SAMD4A: variants seen among roughly 807,000 people sequenced by gnomAD.
SAMD4A encodes sterile alpha motif domain containing 4A.
In SAMD4A, 33 loss-of-function variants were observed where a neutral mutation model predicts 81.3. The ratio of observed to expected loss-of-function variants is 0.41; its 90% CI spans 0.31 to 0.54. The LOEUF (loss-of-function observed/expected upper bound fraction) is 0.54, where lower values mean the gene tolerates loss of function less well. Ranked by LOEUF, SAMD4A falls within the 20% of genes least tolerant of loss-of-function variation. SAMD4A has a pLI of 0.37. For missense variants in SAMD4A, 854 were observed against 951.1 expected (o/e 0.90, Z 1.34); for synonymous variants, 389 against 382.1 (o/e 1.02, Z -0.21).
At chr14:54,782,841 A>G (rs2039032632) in intron 11 of SAMD4A, among the ~76,000 whole-genome samples, 1 of 152,358 alleles carries the variant, frequency 6.6e-6, no homozygotes, top group East Asian at 1.9e-4. Flanking sequence ...TCAGCTTCCT[A>G]TCCCACCAAG....
chr14:54,629,077 C>T (rs2034833557), intron 2 of SAMD4A, among the ~76,000 whole-genome samples: 2 of 110,154 alleles, frequency 1.8e-5, no homozygotes, highest in African/African-American at 6.9e-5. Context: ...ATGGTGGGCC[C>T]TAATCCAATG....
At chr14:54,600,855 G>A (rs1183197885) in intron 2 of SAMD4A, among the ~76,000 whole-genome samples, 1 of 152,192 alleles carries the variant, frequency 6.6e-6, no homozygotes, top group Non-Finnish European at 1.5e-5. Flanking sequence ...AATTACTCCA[G>A]GTTCTCCAAG....
chr14:54,639,578 C>CG (rs1174284733), intron 2 of SAMD4A, among the ~76,000 whole-genome samples: 2 of 152,192 alleles, frequency 1.3e-5, no homozygotes, highest in East Asian at 3.8e-4. Context: ...CCTGTTACGG[C>CG]GGGCAGTACT....
intron 2 of SAMD4A, among the ~76,000 whole-genome samples, chr14:54,610,829 C>T (rs1458130336): frequency 6.6e-6 from 1 of 152,156 alleles, no homozygotes; most frequent in African/African-American, 2.4e-5. Flanking sequence ...CTATGAAAAG[C>T]ACTCATAGCC....
At chr14:54,770,017 T>A (rs558444753) in intron 8 of SAMD4A, 87 bp from the exon 9 acceptor site, 1 of 834,962 alleles carries the variant, frequency 1.2e-6, no homozygotes, top group Non-Finnish European at 2.0e-6. Flanking sequence ...CTGCAGAGAC[T>A]CCAATGTTTT....
chr14:54,769,909 C>A (rs1314231830), intron 8 of SAMD4A, among the ~76,000 whole-genome samples, 195 bp from the exon 9 acceptor site: 2 of 152,150 alleles, frequency 1.3e-5, no homozygotes, highest in Non-Finnish European at 2.9e-5. Flanking sequence ...TTATCACGCA[C>A]CTCCAATGTC....
intron 2 of SAMD4A, among the ~76,000 whole-genome samples, chr14:54,570,313 G>T (rs576774330): frequency 3.3e-5 from 5 of 152,228 alleles, no homozygotes; most frequent in Admixed American, 2.6e-4. Flanking sequence ...CTGCATATCC[G>T]GAAACTAGCC....
chr14:54,719,481 T>C (rs1205652076), intron 3 of SAMD4A, among the ~76,000 whole-genome samples: 1 of 152,212 alleles, frequency 6.6e-6, no homozygotes, highest in Non-Finnish European at 1.5e-5. Flanking sequence ...GTTTCTAGGA[T>C]TGAAGGGAGA....
In SAMD4A at chr14:54,701,954, C is replaced by T. The variant is rs992872758; in HGVS notation, c.197-108C>T. The T allele has an allele frequency of 1.9e-5, 23 of 1,206,112 alleles. 1 individual carries two copies. Among genetic ancestry groups the T allele is most frequent in the Middle Eastern group, 2.1e-4 (1 of 4,734 alleles). The allele number at this position is 1,206,112 out of a possible 1,614,324, so 74.7% of individuals were successfully genotyped here. On this transcript the variant is annotated intron_variant, in intron 2 of 12. Transcript: ENST00000554335. Reference sequence around the variant, plus strand: ...ACAGGCTCTTTTGAGAAAATATAGCCAGACTATGTAGATTGGGACCCTAAT... The same window carrying T: ...ACAGGCTCTTTTGAGAAAATATAGCTAGACTATGTAGATTGGGACCCTAAT...
Position 54,702,178 on chromosome 14 carries a change from C to T in SAMD4A, c.313C>T (p.Leu105=). ...CGCGAAAGTAGAATATATGAAACTGCTGCCCAAAATCCTGGCTCACTCTAT... is the reference window on the plus strand; with the variant it reads ...CGCGAAAGTAGAATATATGAAACTGTTGCCCAAAATCCTGGCTCACTCTAT... ...LDAKVEYMKL[L]PKILAHSIEH... is the part of the protein sequence containing the mutation. The change falls in exon 3 of 13, where the codon CTG becomes TTG. Residue 105 remains leucine (L), a synonymous_variant. Coordinates refer to ENST00000554335, the MANE Select transcript of SAMD4A (RefSeq NM_015589.6). The T allele has an allele frequency of 2.5e-6, 4 of 1,614,146 alleles. No individual in the cohort carries two copies. The highest frequency in any genetic ancestry group is 3.4e-6 in the Non-Finnish European group (4 of 1,180,022).
At chr14:54,676,630 G>A (rs539281653) in intron 2 of SAMD4A, among the ~76,000 whole-genome samples, 3 of 152,194 alleles carry the variant, frequency 2.0e-5, no homozygotes, top group South Asian at 2.1e-4. Context: ...TGTTCCACCC[G>A]CCTCAGCCTC....
intron 4 of SAMD4A, among the ~76,000 whole-genome samples, chr14:54,741,892 G>A (rs1472533377): frequency 6.6e-6 from 1 of 152,128 alleles, no homozygotes; most frequent in Non-Finnish European, 1.5e-5. Context: ...AAGGGCACAT[G>A]GGAAAAAGAG....
intron 5 of SAMD4A, among the ~76,000 whole-genome samples, chr14:54,750,659 C>T (rs995112197): frequency 2.0e-5 from 3 of 152,208 alleles, no homozygotes; most frequent in Non-Finnish European, 4.4e-5. Context: ...TTTTATGACA[C>T]TCCATGTGGA....
intron 2 of SAMD4A, among the ~76,000 whole-genome samples, chr14:54,646,120 C>T (rs1594768407): frequency 6.6e-6 from 1 of 152,210 alleles, no homozygotes; most frequent in East Asian, 1.9e-4. Context: ...AATTAGGGTT[C>T]GCTTTCTCCA....
intron 3 of SAMD4A, among the ~76,000 whole-genome samples, chr14:54,711,907 G>A (rs1701167196): frequency 6.6e-6 from 1 of 152,126 alleles, no homozygotes; most frequent in East Asian, 1.9e-4. Context: ...AAGAGTCAGC[G>A]ATTTCAAAGG....
At chr14:54,715,642 A>G (rs1009654744) in intron 3 of SAMD4A, among the ~76,000 whole-genome samples, 1 of 152,188 alleles carries the variant, frequency 6.6e-6, no homozygotes, top group African/African-American at 2.4e-5. Flanking sequence ...CACCATATTA[A>G]TGTCATGTAT....
chr14:54,640,841 T>C (rs977061696), intron 2 of SAMD4A, among the ~76,000 whole-genome samples: 1 of 152,298 alleles, frequency 6.6e-6, no homozygotes, highest in South Asian at 2.1e-4. Context: ...TTCCCAACAA[T>C]TACATTCTCC....
chr14:54,714,668 G>T (rs540594057), intron 3 of SAMD4A, among the ~76,000 whole-genome samples: 1 of 152,254 alleles, frequency 6.6e-6, no homozygotes, highest in East Asian at 1.9e-4. Context: ...GCATTTAAGG[G>T]TGGTTGTGAG....
chr14:54,604,977 A>G (rs1354250245), intron 2 of SAMD4A, among the ~76,000 whole-genome samples: 1 of 152,214 alleles, frequency 6.6e-6, no homozygotes, highest in African/African-American at 2.4e-5. Flanking sequence ...ATACCAAGTG[A>G]GAGTGGCTCA....
Sources: gnomAD v4.1 joint callset for allele counts (sites outside exome capture counted in the v4.1 genomes callset) on GRCh38, gnomAD v4.1.1 for gene constraint, MANE v1.5 for transcripts, NCBI Gene and HGNC (gene_info 2026-07-23, HGNC 2026-07-21) for gene names.